The following DCDC1 variants were observed in gnomAD, a reference collection of about 807,000 sequenced individuals.
DCDC1 encodes the protein doublecortin domain-containing protein 1.
In DCDC1, 200 loss-of-function variants were observed where a neutral mutation model predicts 178.3. That is an observed-to-expected ratio of 1.12 (90% CI 1.00 to 1.26). The LOEUF is 1.26. Ranked by LOEUF, DCDC1 falls within the 50% of genes most tolerant of loss-of-function variation. The pLI is 0.00. For missense variants in DCDC1, 1,983 were observed against 1,749.2 expected (o/e 1.13, Z -2.38); for synonymous variants, 690 against 604.8 (o/e 1.14, Z -2.07).
rs536055838 is a variant in DCDC1 at position 31,324,730 on chromosome 11, G to A, written c.164+3387C>T. 1.6e-3 allele frequency among the ~76,000 whole-genome samples: 237 copies of A among 152,100 alleles called. 1 individual carries two copies. The highest frequency in any genetic ancestry group is 2.9e-3 in the South Asian group (14 of 4,824). On this transcript the variant is annotated intron_variant, in intron 3 of 38. Coordinates refer to ENST00000684477, the MANE Select transcript of DCDC1 (RefSeq NM_001387274.1). The stretch of plus-strand genomic sequence containing the variant: ...TAAACTTAAACTGTCCATAGAAAAG[G>A]CAATGTTTATATTTCAAAAATGTTT...
chr11:31,171,178 C>T (rs1967184278), intron 9 of DCDC1, among the ~76,000 whole-genome samples: 1 of 152,152 alleles, frequency 6.6e-6, no homozygotes, highest in South Asian at 2.1e-4. Flanking sequence ...CTTATAGTAC[C>T]AATCTATCAG....
At chr11:31,289,555 C>T (rs929507887) in intron 7 of DCDC1, among the ~76,000 whole-genome samples, 1 of 151,970 alleles carries the variant, frequency 6.6e-6, no homozygotes, top group Non-Finnish European at 1.5e-5. Context: ...GTCAACTATT[C>T]ACCTGTTTCA....
chr11:30,942,929 G>A (rs1388883353), intron 21 of DCDC1, among the ~76,000 whole-genome samples: 2 of 152,168 alleles, frequency 1.3e-5, no homozygotes, highest in Non-Finnish European at 2.9e-5. Flanking sequence ...TTCTCGTTCT[G>A]GTGTTTCAGG....
rs147414809 is a variant in DCDC1, at chr11:30,993,869, C to T, written c.2592-41301G>A. ...AAGTGTATTGTCAAGTTCTACCAAA[C>T]AGTTAATAAAGAATAATACCAATGC... On this transcript the variant is annotated intron_variant, in intron 20 of 38. Coordinates refer to ENST00000684477, the MANE Select transcript of DCDC1 (RefSeq NM_001387274.1). 4.6e-3 allele frequency among the ~76,000 whole-genome samples: 696 copies of T among 152,174 alleles called. 8 individuals are homozygous for T. The highest frequency in any genetic ancestry group is 0.016 in the African/African-American group (669 of 41,548).
At chr11:31,248,829 T>G (rs925990939) in intron 8 of DCDC1, among the ~76,000 whole-genome samples, 3 of 152,132 alleles carry the variant, frequency 2.0e-5, no homozygotes, top group African/African-American at 7.2e-5. Context: ...TTCTTCTCTC[T>G]TCTAAAAACT....
At chr11:30,947,736 G>T (rs942458394) in intron 21 of DCDC1, among the ~76,000 whole-genome samples, 1 of 152,098 alleles carries the variant, frequency 6.6e-6, no homozygotes, top group Non-Finnish European at 1.5e-5. Flanking sequence ...AAGCTAAAAA[G>T]CTTCTGCAAC....
chr11:31,328,358 T>A (rs1183158653), intron 2 of DCDC1, 72 bp from the exon 3 acceptor site: 2 of 1,419,050 alleles, frequency 1.4e-6, no homozygotes, highest in African/African-American at 1.4e-5. Flanking sequence ...AGGCTGGGCA[T>A]TAAACACAAC....
chr11:31,058,127 A>T (rs1427831085), intron 20 of DCDC1, among the ~76,000 whole-genome samples: 1 of 152,140 alleles, frequency 6.6e-6, no homozygotes, highest in Middle Eastern at 3.2e-3. Flanking sequence ...GATGATATTG[A>T]CTCAGCCAGA....
intron 10 of DCDC1, among the ~76,000 whole-genome samples, chr11:31,132,113 A>G (rs1188196182): frequency 6.6e-6 from 1 of 152,232 alleles, no homozygotes; most frequent in East Asian, 1.9e-4. Flanking sequence ...ATGTGAAACA[A>G]AATTACACCA....
intron 1 of DCDC1, among the ~76,000 whole-genome samples, chr11:31,354,203 C>T (rs1274517906): frequency 2.6e-5 from 4 of 152,066 alleles, no homozygotes; most frequent in African/African-American, 9.7e-5. Flanking sequence ...GGAGAATCTC[C>T]TGAACCTGGG....
intron 3 of DCDC1, among the ~76,000 whole-genome samples, chr11:31,314,981 G>A (rs1948985697): frequency 6.6e-6 from 1 of 152,024 alleles, no homozygotes; most frequent in Non-Finnish European, 1.5e-5. Context: ...GCTTCACAAA[G>A]CAACAACTAA....
At chr11:31,236,341 C>T (rs1410024374) in intron 9 of DCDC1, among the ~76,000 whole-genome samples, 2 of 151,982 alleles carry the variant, frequency 1.3e-5, no homozygotes, top group Non-Finnish European at 2.9e-5. Context: ...GATCTATAGC[C>T]TCTTATTATA....
intron 9 of DCDC1, among the ~76,000 whole-genome samples, chr11:31,157,914 C>T (rs973637461): frequency 4.0e-5 from 6 of 151,894 alleles, no homozygotes; most frequent in African/African-American, 1.5e-4. Flanking sequence ...TTTATTTAAT[C>T]GACAAATAAA....
chr11:30,873,074 T>C (rs983453703), intron 38 of DCDC1, among the ~76,000 whole-genome samples: 2 of 150,520 alleles, frequency 1.3e-5, no homozygotes, highest in Non-Finnish European at 3.0e-5. Context: ...TCTCTCTCTC[T>C]CTCTGTCTCT....
At position 30,954,061 on chromosome 11, in the gene DCDC1, G is replaced by C. The variant is rs2134503548; in HGVS notation, c.2592-1493C>G. ...GAGTCTCGCTCTGTCGCCCAGGCTG[G>C]AATGCAGTGGCTCGATCGATCTCGG... On this transcript the variant is annotated intron_variant, in intron 20 of 38. Transcript: ENST00000684477. 2.2e-5 allele frequency among the ~76,000 whole-genome samples: 3 copies of C among 135,778 alleles called. No individual in the cohort carries two copies. The South Asian group carries it at 7.0e-4, about 32-fold the overall frequency. 89.1% of individuals were successfully genotyped at this position (135,778 alleles called of 152,430 possible).
Position 30,999,240 on chromosome 11 carries a change from A to G in DCDC1, c.2592-46672T>C, listed in dbSNP as rs377063423. ...TCAGTGGAAAAACTGATGAAACCTT[A>G]TAAGTCTTTAGTTTGGTTAATACTA... On this transcript the variant is annotated intron_variant, in intron 20 of 38. Coordinates refer to ENST00000684477, the MANE Select transcript of DCDC1 (RefSeq NM_001387274.1). Among the ~76,000 whole-genome samples, 25 of 152,280 alleles carry G rather than the reference A, an allele frequency of 1.6e-4. 1 individual carries two copies. Among genetic ancestry groups the G allele is most frequent in the East Asian group, 1.5e-3 (8 of 5,172 alleles).
chr11:31,003,194 T>C (rs1229117144), intron 20 of DCDC1, among the ~76,000 whole-genome samples: 2 of 152,078 alleles, frequency 1.3e-5, no homozygotes, highest in Admixed American at 6.6e-5. Flanking sequence ...GTAAAGTTAA[T>C]TGAATAATAA....
chr11:30,900,023 C>T (rs1269100922), intron 33 of DCDC1, among the ~76,000 whole-genome samples: 1 of 152,034 alleles, frequency 6.6e-6, no homozygotes, highest in African/African-American at 2.4e-5. Context: ...AGGTCGTCCT[C>T]AGTGTGAATT....
At chr11:31,033,415 T>C (rs563651499) in intron 20 of DCDC1, among the ~76,000 whole-genome samples, 1 of 152,308 alleles carries the variant, frequency 6.6e-6, no homozygotes, top group East Asian at 1.9e-4. Flanking sequence ...ATTTTGATTT[T>C]TCTATTTTCT....
Sources: gnomAD v4.1 joint callset for allele counts (sites outside exome capture counted in the v4.1 genomes callset) on GRCh38, gnomAD v4.1.1 for gene constraint, MANE v1.5 for transcripts, NCBI Gene and HGNC (gene_info 2026-07-23, HGNC 2026-07-21) for gene names.